SORD: variants seen among roughly 807,000 people sequenced by gnomAD.
SORD encodes the protein (R,R)-butanediol dehydrogenase.
SORD carries 18 observed loss-of-function variants against 35.6 expected under a neutral mutation model. The ratio of observed to expected loss-of-function variants is 0.51; its 90% CI spans 0.35 to 0.75. SORD has a LOEUF of 0.75. SORD is among the 30% of genes least tolerant of loss of function. The pLI, the probability that SORD is intolerant of heterozygous loss-of-function variation, is 0.01. For missense variants in SORD, 250 were observed against 390.2 expected (o/e 0.64, Z 3.03); for synonymous variants, 106 against 152.9 (o/e 0.69, Z 2.26).
chr15:45,058,193 G>T (rs1417855702), intron 3 of SORD, among the ~76,000 whole-genome samples: 4 of 152,234 alleles, frequency 2.6e-5, no homozygotes, highest in Admixed American at 1.3e-4. Context: ...GTGATGGGCT[G>T]TCAGGAACTG....
intron 1 of SORD, among the ~76,000 whole-genome samples, chr15:45,026,239 G>A (rs1339563970): frequency 6.6e-6 from 1 of 152,196 alleles, no homozygotes; most frequent in Admixed American, 6.5e-5. Context: ...CTTGGGTTTG[G>A]GGTCAGTAGT....
At chr15:45,042,499 AAAATAAATAAATAAAT>A (rs531723399) in intron 2 of SORD, 1 of 150,658 alleles carries the variant, frequency 6.6e-6, no homozygotes, top group South Asian at 2.1e-4. Context: ...CTAAAAATAA[AAAATAAATAAATAAAT>A]AAATAAATAA....
In SORD at chr15:45,061,219, T is replaced by A. The variant is rs569483540; in HGVS notation, c.418T>A (p.Cys140Ser). 7 of 1,614,224 alleles carry A rather than the reference T, an allele frequency of 4.3e-6. No homozygotes were observed. In the East Asian group the frequency reaches 1.6e-4, roughly 36 times the overall value. ...GTTCTATAAGCACAATGCAGCCTTT[T>A]GTTACAAGTTAGTGTCCACAGTCCC... is the stretch of plus-strand genomic sequence containing the variant. ...CRFYKHNAAF[C>S]YKLPDNVTFE... Residue 140 changes from cysteine (C) to serine (S), a missense_variant, in exon 4 of 9, where the codon TGT (cysteine) becomes AGT (serine). Cys to Ser is a moderately radical substitution (Grantham distance 112). Transcript: ENST00000267814.
At chr15:45,043,064 C>T (rs201813775) in intron 2 of SORD, among the ~76,000 whole-genome samples, 193 bp from the exon 3 acceptor site, 2,318 of 144,436 alleles carry the variant, frequency 0.016, 41 homozygotes, top group South Asian at 0.085. Context: ...TTAGCCACCA[C>T]ATGTGGAAGC....
chr15:45,037,520 A>G (rs1288298573), intron 1 of SORD, among the ~76,000 whole-genome samples: 1 of 152,196 alleles, frequency 6.6e-6, no homozygotes, highest in Non-Finnish European at 1.5e-5. Context: ...TAGTGCCTTT[A>G]GCAGGGAGGG....
intron 1 of SORD, among the ~76,000 whole-genome samples, chr15:45,023,916 C>T (rs148645348): frequency 6.6e-6 from 1 of 152,332 alleles, no homozygotes; most frequent in East Asian, 1.9e-4. Context: ...CTCCAGAACC[C>T]CTGCTGTTCC....
chr15:45,058,487 A>T (rs1893252659), intron 3 of SORD: 1 of 152,214 alleles, frequency 6.6e-6, no homozygotes, highest in Admixed American at 6.5e-5. Context: ...GAGAAAAAAA[A>T]AAAAACTATG....
chr15:45,026,872 C>T (rs914823603), intron 1 of SORD, among the ~76,000 whole-genome samples: 22 of 125,840 alleles, frequency 1.7e-4, no homozygotes, highest in African/African-American at 1.0e-3. Context: ...GGGAATGCGA[C>T]CTTAGTCCAC....
chr15:45,031,529 G>A (rs1264150422), intron 1 of SORD, among the ~76,000 whole-genome samples: 3 of 152,232 alleles, frequency 2.0e-5, no homozygotes, highest in Non-Finnish European at 4.4e-5. Flanking sequence ...ACAGGCTCTC[G>A]GCCATGGTCA....
intron 3 of SORD, among the ~76,000 whole-genome samples, chr15:45,047,663 T>C (rs910257725): frequency 8.5e-5 from 13 of 152,238 alleles, no homozygotes; most frequent in African/African-American, 3.1e-4. Flanking sequence ...CAGTGGAGTC[T>C]ATCCATCAGA....
chr15:45,027,751 A>G (rs1409927560), intron 1 of SORD, among the ~76,000 whole-genome samples: 2 of 152,262 alleles, frequency 1.3e-5, no homozygotes, highest in African/African-American at 4.8e-5. Flanking sequence ...TGGATTCATG[A>G]AGTTAGAATA....
chr15:45,058,524 C>T (rs575433389), intron 3 of SORD: 1 of 151,448 alleles, frequency 6.6e-6, no homozygotes, highest in East Asian at 1.9e-4. Context: ...AAGTAAAGTA[C>T]TGGGGGGCTG....
chr15:45,041,119 G>A (rs1892959156), intron 2 of SORD, among the ~76,000 whole-genome samples: 1 of 152,180 alleles, frequency 6.6e-6, no homozygotes, highest in African/African-American at 2.4e-5. Context: ...GCCCAAGGTG[G>A]CATCTGCAAC....
chr15:45,054,046 G>T (rs960465118), intron 3 of SORD, among the ~76,000 whole-genome samples: 2 of 148,822 alleles, frequency 1.3e-5, no homozygotes, highest in Non-Finnish European at 3.0e-5. Context: ...GTCTATCATT[G>T]TTGGACATTT....
At chr15:45,059,002 G>A (rs1893260181) in intron 3 of SORD, among the ~76,000 whole-genome samples, 1 of 152,088 alleles carries the variant, frequency 6.6e-6, no homozygotes, top group Admixed American at 6.5e-5. Flanking sequence ...CCCAAAAAGG[G>A]GAGGAAACTT....
At chr15:45,053,669 G>C (rs1893165682) in intron 3 of SORD, among the ~76,000 whole-genome samples, 1 of 150,740 alleles carries the variant, frequency 6.6e-6, no homozygotes, top group South Asian at 2.1e-4. Flanking sequence ...TATACTTTAA[G>C]TTTTAGGGTA....
intron 5 of SORD, 89 bp from the exon 6 acceptor site, chr15:45,068,092 A>G (rs1406799041): frequency 9.9e-7 from 1 of 1,006,228 alleles, no homozygotes; most frequent in Non-Finnish European, 1.6e-6. Flanking sequence ...GAGACACACA[A>G]AAGATATGGT....
At chr15:45,057,328 A>T (rs555500745) in intron 3 of SORD, among the ~76,000 whole-genome samples, 1 of 152,250 alleles carries the variant, frequency 6.6e-6, no homozygotes, top group African/African-American at 2.4e-5. Context: ...TTTTTGATAC[A>T]TGCCTAACAT....
intron 3 of SORD, among the ~76,000 whole-genome samples, chr15:45,055,532 T>C (rs1893200666): frequency 1.3e-5 from 2 of 152,190 alleles, no homozygotes; most frequent in Admixed American, 1.3e-4. Context: ...CAGGACCAGA[T>C]GGATTCAGAG....
Sources: gnomAD v4.1 joint callset for allele counts (sites outside exome capture counted in the v4.1 genomes callset) on GRCh38, gnomAD v4.1.1 for gene constraint, MANE v1.5 for transcripts, NCBI Gene and HGNC (gene_info 2026-07-23, HGNC 2026-07-21) for gene names.